Variants in RPS6KA2 observed in about 807,000 individuals in gnomAD.
RPS6KA2 encodes the protein ribosomal protein S6 kinase alpha-2.
RPS6KA2 carries 42 observed loss-of-function variants against 91.8 expected under a neutral mutation model. That is an observed-to-expected ratio of 0.46 (90% CI 0.36 to 0.59). The LOEUF (loss-of-function observed/expected upper bound fraction) is 0.59, where lower values mean the gene tolerates loss of function less well. Among genes scored for constraint, RPS6KA2 ranks in the 20% least tolerant of loss-of-function variants. RPS6KA2 has a pLI of 0.00. For synonymous variants in RPS6KA2, 414 were observed against 393.6 expected (o/e 1.05, Z -0.61); for missense variants, 798 against 978.5 (o/e 0.82, Z 2.46).
Position 166,773,919 on chromosome 6 carries a change from T to C in RPS6KA2, c.123+84281A>G, listed in dbSNP as rs561475815. Among the ~76,000 whole-genome samples the C allele has an allele frequency of 3.2e-4, 49 of 152,378 alleles. 1 individual carries two copies. In the South Asian group the frequency reaches 9.1e-3, roughly 28 times the overall value. ...ACACTTGTCATATAGCCAAGCATGC[T>C]TGCAGAAAATAAATGGACGTGGTCA... On this transcript the variant is annotated intron_variant, in intron 2 of 21. Transcript: ENST00000503859.
intron 2 of RPS6KA2, among the ~76,000 whole-genome samples, chr6:166,804,816 G>A (rs543816787): frequency 6.6e-6 from 1 of 152,194 alleles, no homozygotes; most frequent in East Asian, 1.9e-4. Context: ...AGACTAACAA[G>A]ACATATGATC....
intron 2 of RPS6KA2, among the ~76,000 whole-genome samples, chr6:166,827,371 T>C (rs1780076531): frequency 6.6e-6 from 1 of 151,672 alleles, no homozygotes; most frequent in South Asian, 2.1e-4. Context: ...ATATCTACAA[T>C]GGAACACCGT....
chr6:166,543,787 G>T (rs1182562441), intron 1 of RPS6KA2, among the ~76,000 whole-genome samples: 1 of 152,186 alleles, frequency 6.6e-6, no homozygotes, highest in Non-Finnish European at 1.5e-5. Context: ...AGTTCTAGAG[G>T]CCCATCCATC....
At chr6:166,628,086 A>G (rs2128544460), upstream of RPS6KA2, 1 of 152,372 alleles carries the variant, frequency 6.6e-6, no homozygotes, top group African/African-American at 2.4e-5. Flanking sequence ...AAACGTCTAC[A>G]CAGATGGCTT....
chr6:166,632,582 G>C (rs1256064551), intron 2 of RPS6KA2, among the ~76,000 whole-genome samples: 3 of 149,738 alleles, frequency 2.0e-5, no homozygotes, highest in African/African-American at 7.4e-5. Flanking sequence ...TTGCACTCCA[G>C]CCTGGGCAAC....
chr6:166,469,176 A>C (rs16898963), intron 11 of RPS6KA2, among the ~76,000 whole-genome samples: 20,494 of 152,144 alleles, frequency 0.13, 1,365 homozygotes, highest in Middle Eastern at 0.19. Context: ...CTTGGCAGAA[A>C]TAGGCAATTG....
chr6:166,488,815 T>A lies in RPS6KA2; in HGVS notation c.907+18A>T. On this transcript the variant is annotated intron_variant, in intron 10 of 20. Coordinates refer to ENST00000265678, the MANE Select transcript of RPS6KA2 (RefSeq NM_021135.6). ...CGCCCTGCACGTTCCCGTGGTGGGG[T>A]GTCCCGGGGAATCTTACCCAGCCGG... is the stretch of plus-strand genomic sequence containing the variant. 6.3e-7 allele frequency: 1 copy of A among 1,599,250 alleles called. No homozygotes were observed. Among genetic ancestry groups the A allele is most frequent in the Non-Finnish European group, 8.6e-7 (1 of 1,169,130 alleles).
chr6:166,761,860 G>A (rs1396021850), intron 2 of RPS6KA2, among the ~76,000 whole-genome samples: 1 of 152,190 alleles, frequency 6.6e-6, no homozygotes, highest in Admixed American at 6.5e-5. Context: ...CCTCGCATTT[G>A]AGGCAGCGTT....
In RPS6KA2 at chr6:166,626,830, C is replaced by G; in HGVS notation, c.99+91G>C. ...GTAACTTGAACTCCCTGACGGGTCT[C>G]GGGGTCCACCCAGGGGTGGCGAGGC... On this transcript the variant is annotated intron_variant, in intron 1 of 20. Coordinates refer to ENST00000265678, the MANE Select transcript of RPS6KA2 (RefSeq NM_021135.6). This position sits in a 1 kb window ranked among gnomAD's most constrained non-coding sequence, Gnocchi z 4.1. 9.1e-7 allele frequency: 1 copy of G among 1,097,724 alleles called. No individual in the cohort carries two copies. The highest frequency in any genetic ancestry group is 2.6e-5 in the South Asian group (1 of 38,430). The allele number at this position is 1,097,724 out of a possible 1,614,324, so 68.0% of individuals were successfully genotyped here.
intron 14 of RPS6KA2, among the ~76,000 whole-genome samples, chr6:166,439,294 G>GA (rs1779444330): frequency 6.6e-6 from 1 of 152,146 alleles, no homozygotes; most frequent in African/African-American, 2.4e-5. Context: ...TTTTAGTAGA[G>GA]ACGGGGCTTC....
Position 166,475,795 on chromosome 6 carries a change from G to A in RPS6KA2, c.908-5890C>T, listed in dbSNP as rs370601920. 8.1e-5 allele frequency: 43 copies of A among 533,100 alleles called. 1 individual carries two copies. Among genetic ancestry groups the A allele is most frequent in the African/African-American group, 6.3e-4 (33 of 52,004 alleles). 33.0% of individuals were successfully genotyped at this position (533,100 alleles called of 1,614,324 possible). Reference sequence around the variant, plus strand: ...TGCCAGTCTTAGACTCAGAAGCCTAGGAGCCTGGAGCAACTCACACGGGGG... The same window carrying A: ...TGCCAGTCTTAGACTCAGAAGCCTAAGAGCCTGGAGCAACTCACACGGGGG... On this transcript the variant is annotated intron_variant, in intron 10 of 20. Transcript: ENST00000265678.
rs369424711 is a variant in RPS6KA2, at chr6:166,727,091, C to G, written c.123+131109G>C. The stretch of plus-strand genomic sequence containing the variant: ...CCAGGACCACATATCCCAACAGTTC[C>G]CCATAACCTGGGGGTGGTTTCTCCT... On this transcript the variant is annotated intron_variant, in intron 2 of 21. Coordinates refer to the RPS6KA2 transcript ENST00000503859. Among the ~76,000 whole-genome samples the G allele has an allele frequency of 1.3e-4, 20 of 152,136 alleles. No individual in the cohort carries two copies. In the South Asian group the frequency reaches 4.0e-3, roughly 30 times the overall value.
At chr6:166,451,326 C>A in intron 12 of RPS6KA2, 93 bp from the exon 13 acceptor site, 1 of 1,356,562 alleles carries the variant, frequency 7.4e-7, no homozygotes, top group South Asian at 1.2e-5. Context: ...TATGTGTGTG[C>A]AAGTCCGTGT....
chr6:166,508,429 C>T lies in RPS6KA2; in HGVS notation c.380-147G>A. ...GCAGGACCCCGGCTGGTGACCAGCT[C>T]AGAGGGGCAGCACCCGGCAGAGGGG... On this transcript the variant is annotated intron_variant, in intron 4 of 20. Transcript: ENST00000265678. This position sits in a 1 kb window ranked among gnomAD's most constrained non-coding sequence, Gnocchi z 4.3. 1.6e-6 allele frequency: 1 copy of T among 610,670 alleles called. No homozygotes were observed. The highest frequency in any genetic ancestry group is 1.9e-5 in the South Asian group (1 of 52,344). The allele number at this position is 610,670 out of a possible 1,614,324, so 37.8% of individuals were successfully genotyped here.
Position 166,665,353 on chromosome 6 carries a change from A to G in RPS6KA2, c.124-126569T>C, listed in dbSNP as rs1186576630. On this transcript the variant is annotated intron_variant, in intron 2 of 21. Transcript: ENST00000503859. The surrounding 1 kb of genome is among the most constrained non-coding windows in gnomAD (Gnocchi z 4.5). ...TGAAGGATGAACTGAGTCTCTCTGC[A>G]GCTGCCTCTGGGCTTTGTCTGGTGT... 6.6e-6 allele frequency among the ~76,000 whole-genome samples: 1 copy of G among 152,174 alleles called. No individual in the cohort carries two copies. The highest frequency in any genetic ancestry group is 1.5e-5 in the Non-Finnish European group (1 of 68,030).
At chr6:166,590,098 A>G (rs911728985) in intron 1 of RPS6KA2, among the ~76,000 whole-genome samples, 5 of 152,322 alleles carry the variant, frequency 3.3e-5, no homozygotes, top group Admixed American at 6.5e-5. Flanking sequence ...AAACAGCTCA[A>G]GCAAAGACAC....
intron 2 of RPS6KA2, among the ~76,000 whole-genome samples, chr6:166,756,803 G>A (rs765476055): frequency 3.9e-5 from 6 of 151,938 alleles, no homozygotes; most frequent in East Asian, 1.9e-4. Context: ...CCGAGATGGC[G>A]CCATTGCACT....
At chr6:166,460,250 C>T (rs1275931807) in intron 11 of RPS6KA2, among the ~76,000 whole-genome samples, 1 of 152,268 alleles carries the variant, frequency 6.6e-6, no homozygotes, top group African/African-American at 2.4e-5. Context: ...ACAGAAGGCA[C>T]AGAAAGTCCA....
intron 2 of RPS6KA2, among the ~76,000 whole-genome samples, chr6:166,753,367 G>A (rs1315764606): frequency 6.6e-6 from 1 of 152,168 alleles, no homozygotes; most frequent in East Asian, 1.9e-4. Context: ...TATAACTTCA[G>A]AAAATTAACC....
Sources: allele counts gnomAD v4.1 joint callset (sites outside exome capture counted in the v4.1 genomes callset), GRCh38; gene constraint gnomAD v4.1.1; non-coding constraint Gnocchi (gnomAD v3.1); transcripts MANE v1.5; gene names NCBI Gene and HGNC (gene_info 2026-07-23, HGNC 2026-07-21).